The following GRK1 variants were observed in gnomAD, a reference collection of about 807,000 sequenced individuals.
GRK1 encodes the protein rhodopsin kinase GRK1.
In GRK1, 28 loss-of-function variants were observed where a neutral mutation model predicts 41.7. That is an observed-to-expected ratio of 0.67 (90% CI 0.50 to 0.92). The LOEUF (loss-of-function observed/expected upper bound fraction) is 0.92, where lower values mean the gene tolerates loss of function less well. Among genes scored for constraint, GRK1 ranks in the 40% least tolerant of loss-of-function variants. The pLI, the probability that GRK1 is intolerant of heterozygous loss-of-function variation, is 0.00. For missense variants in GRK1, 703 were observed against 671.2 expected, an observed-to-expected ratio of 1.05 and a Z score of -0.52; for synonymous variants, 327 against 286.7, an observed-to-expected ratio of 1.14 and a Z score of -1.42.
At chr13:113,733,715 A>ACGTGTGTGTGCGCG (rs1184148686) in intron 6 of GRK1, among the ~76,000 whole-genome samples, 2 of 96,960 alleles carry the variant, frequency 2.1e-5, no homozygotes, top group African/African-American at 1.0e-4. Context: ...GTGTGTGCGC[A>ACGTGTGTGTGCGCG]CGTGTGTGTG....
At position 113,731,080 on chromosome 13, in the gene GRK1, G is replaced by T; in HGVS notation, c.1070-139G>T. ...ACACACAGGGCAGCCCCTCCACAAA[G>T]GATTTTCTGGCCCCAAATGTGGAGA... On this transcript the variant is annotated intron_variant, in intron 4 of 6. Coordinates refer to ENST00000335678, the MANE Select transcript of GRK1 (RefSeq NM_002929.3). This position sits in a 1 kb window ranked among gnomAD's most constrained non-coding sequence, Gnocchi z 5.6. 3 of 1,279,608 alleles carry T rather than the reference G, an allele frequency of 2.3e-6. No individual in the cohort carries two copies. Among genetic ancestry groups the T allele is most frequent in the Non-Finnish European group, 3.2e-6 (3 of 951,680 alleles). The allele number at this position is 1,279,608 out of a possible 1,614,324, so 79.3% of individuals were successfully genotyped here.
At position 113,733,697 on chromosome 13, in the gene GRK1, ATG is replaced by A. The variant is rs1200894851; in HGVS notation, c.1396+617_1396+618del. Among the ~76,000 whole-genome samples the A allele has an allele frequency of 6.9e-5, 7 of 101,116 alleles. 1 individual carries two copies. Among genetic ancestry groups the A allele is most frequent in the South Asian group, 3.1e-4 (1 of 3,250 alleles). The allele number at this position is 101,116 out of a possible 152,430, so 66.3% of individuals were successfully genotyped here. A position where few individuals can be genotyped will look rare whatever the true frequency, so the allele number is the denominator to read the frequency against. The stretch of plus-strand genomic sequence containing the variant: ...CGTGTGTGCATGTATGTGTGCATAC[ATG>A]TGTGCGTGTGTGCGCACGTGTGTGT... On this transcript the variant is annotated intron_variant, in intron 6 of 6. Transcript: ENST00000335678.
At chr13:113,660,600 C>G in the GRK1 span, among the ~76,000 whole-genome samples, 1,391 of 152,368 alleles carry the variant, frequency 9.1e-3, 20 homozygotes, top group African/African-American at 0.032. Flanking sequence ...TGTTTTGGCT[C>G]ATGCCTGTTA....
the GRK1 span, among the ~76,000 whole-genome samples, chr13:113,653,676 G>A: frequency 6.6e-6 from 1 of 152,204 alleles, no homozygotes; most frequent in African/African-American, 2.4e-5. Flanking sequence ...GGGGGGTGGG[G>A]GGTGGCTGGC....
chr13:113,737,317 G>A lies in GRK1; in HGVS notation c.*1954G>A, dbSNP rs147642850. 0.011 allele frequency: 1,558 copies of A among 145,168 alleles called. 13 individuals are homozygous for A. Among genetic ancestry groups the A allele is most frequent in the Non-Finnish European group, 0.017 (1,100 of 65,688 alleles). 9.0% of individuals were successfully genotyped at this position (145,168 alleles called of 1,614,324 possible). On this transcript the variant is annotated 3_prime_UTR_variant, in exon 7 of 7. Transcript: ENST00000335678. Reference sequence around the variant, plus strand: ...CAGCCACACCCTGGGTGAGGAGCACGTCTTCCCATAGATCCCACATCGGCC... The same window carrying A: ...CAGCCACACCCTGGGTGAGGAGCACATCTTCCCATAGATCCCACATCGGCC...
upstream of GRK1, among the ~76,000 whole-genome samples, chr13:113,664,563 G>A (rs2049806474): frequency 1.3e-5 from 2 of 152,190 alleles, no homozygotes; most frequent in Non-Finnish European, 2.9e-5. The surrounding 1 kb of genome is among the most constrained non-coding windows in gnomAD (Gnocchi z 5.4). Context: ...AACTTTGCTT[G>A]TTTAACATAT....
At chr13:113,661,778 G>A in the GRK1 span, among the ~76,000 whole-genome samples, 1 of 152,062 alleles carries the variant, frequency 6.6e-6, no homozygotes, top group Non-Finnish European at 1.5e-5. Context: ...CAACTCACCC[G>A]ACTTCAAATA....
intron 5 of GRK1, among the ~76,000 whole-genome samples, chr13:113,732,650 G>T (rs2049945429): frequency 6.6e-6 from 1 of 152,220 alleles, no homozygotes; most frequent in South Asian, 2.1e-4. Context: ...GGGTGGGTCA[G>T]CCAGAGTCCC....
intron 3 of GRK1, among the ~76,000 whole-genome samples, chr13:113,672,230 GGTGT>G (rs1252672624): frequency 1.3e-5 from 2 of 151,506 alleles, no homozygotes; most frequent in African/African-American, 4.8e-5. Flanking sequence ...TGTGGCATAT[GGTGT>G]GTATGTGTGT....
chr13:113,665,367 A>G (rs1408790731), upstream of GRK1, among the ~76,000 whole-genome samples: 64 of 149,108 alleles, frequency 4.3e-4, no homozygotes, highest in African/African-American at 1.5e-3. Flanking sequence ...TGTCCGAGGT[A>G]TGCCCCAGCT....
upstream of GRK1, among the ~76,000 whole-genome samples, chr13:113,665,350 G>A (rs944228905): frequency 6.7e-6 from 1 of 148,898 alleles, no homozygotes; most frequent in Admixed American, 6.6e-5. Context: ...CAGGTGTGTT[G>A]CAGGTGTGTC....
intron 6 of GRK1, 107 bp downstream of exon 6, chr13:113,733,192 G>T: frequency 8.9e-7 from 1 of 1,126,056 alleles, no homozygotes. Context: ...GAGTGCCTCA[G>T]ACCCCCAAGG....
chr13:113,736,762 T>C lies in GRK1; in HGVS notation c.*1399T>C, dbSNP rs1268897280. 2 of 152,274 alleles carry C rather than the reference T, an allele frequency of 1.3e-5. No homozygotes were observed. Among genetic ancestry groups the C allele is most frequent in the Non-Finnish European group, 2.9e-5 (2 of 68,044 alleles). The allele number at this position is 152,274 out of a possible 1,614,324, so 9.4% of individuals were successfully genotyped here. ...AGAAGCCTGACCCTGCCACATGTGG[T>C]CACGGGGAGAGAAGATGGTAGGACG... On this transcript the variant is annotated 3_prime_UTR_variant, in exon 7 of 7. Transcript: ENST00000335678.
chr13:113,729,993 T>A (rs2049923144), intron 4 of GRK1, among the ~76,000 whole-genome samples: 1 of 138,800 alleles, frequency 7.2e-6, no homozygotes, highest in Admixed American at 7.4e-5. Flanking sequence ...TCCCCACGGC[T>A]GAGCCCAGAC....
Position 113,731,348 on chromosome 13 carries a change from G to T in GRK1, c.1194+5G>T. ...TTCCGAGCCCGTGGAGAGAAGGTAGGAGGCGGCCGGCAGGTGTCTCTGCAG... is the reference window on the plus strand; with the variant it reads ...TTCCGAGCCCGTGGAGAGAAGGTAGTAGGCGGCCGGCAGGTGTCTCTGCAG... On this transcript the variant is annotated splice_donor_5th_base_variant and intron_variant, in intron 5 of 6. Coordinates refer to ENST00000335678, the MANE Select transcript of GRK1 (RefSeq NM_002929.3). This position sits in a 1 kb window ranked among gnomAD's most constrained non-coding sequence, Gnocchi z 5.6. 1 of 1,536,772 alleles carries T rather than the reference G, an allele frequency of 6.5e-7. No individual in the cohort carries two copies.
Position 113,671,851 on chromosome 13 carries a change from G to A in GRK1, c.985+195G>A, listed in dbSNP as rs1047829726. On this transcript the variant is annotated intron_variant, in intron 3 of 6. Coordinates refer to ENST00000335678, the MANE Select transcript of GRK1 (RefSeq NM_002929.3). The surrounding 1 kb of genome is among the most constrained non-coding windows in gnomAD (Gnocchi z 4.1). Reference sequence around the variant, plus strand: ...CACAGGAGTGAGTGCAGGGGTCTGTGGTGCAGAACCAGCTGGGAACGGCGA... The same window carrying A: ...CACAGGAGTGAGTGCAGGGGTCTGTAGTGCAGAACCAGCTGGGAACGGCGA... Among the ~76,000 whole-genome samples, 17 of 152,214 alleles carry A rather than the reference G, an allele frequency of 1.1e-4. No individual in the cohort carries two copies. The East Asian group carries it at 2.3e-3, about 21-fold the overall frequency.
chr13:113,667,968 G>T lies in GRK1; in HGVS notation c.582G>T (p.Arg194Ser). 1.2e-6 allele frequency: 2 copies of T among 1,610,830 alleles called. No homozygotes were observed. Among genetic ancestry groups the T allele is most frequent in the Non-Finnish European group, 8.5e-7 (1 of 1,178,698 alleles). ...GGGAGGACTGGTTCCTGGACTTCAG[G>T]GTCCTAGGGAAAGGGGGCTTCGGGG... ...PMGEDWFLDFRVLGKGGFGEV... is the reference protein window; with the variant it reads ...PMGEDWFLDFSVLGKGGFGEV... The change falls in exon 1 of 7, where the codon AGG becomes AGT. Residue 194 changes from arginine to serine, a missense_variant. By Grantham distance (110) the Arg-to-Ser change is moderately radical. Transcript: ENST00000335678. The surrounding 1 kb of genome is among the most constrained non-coding windows in gnomAD (Gnocchi z 7.5).
chr13:113,656,515 C>T, the GRK1 span, among the ~76,000 whole-genome samples: 6 of 152,156 alleles, frequency 3.9e-5, no homozygotes, highest in African/African-American at 7.2e-5. Flanking sequence ...CCTGGGCCCC[C>T]GCTTGCACCA....
chr13:113,650,507 C>A, the GRK1 span: 2 of 1,610,006 alleles, frequency 1.2e-6, no homozygotes, highest in South Asian at 2.2e-5. The surrounding 1 kb of genome is among the most constrained non-coding windows in gnomAD (Gnocchi z 5.0). Flanking sequence ...CGGGGCTGGT[C>A]CTGGGGAGGA....
Sources: allele counts gnomAD v4.1 joint callset (sites outside exome capture counted in the v4.1 genomes callset), GRCh38; gene constraint gnomAD v4.1.1; non-coding constraint Gnocchi (gnomAD v3.1); transcripts MANE v1.5; gene names NCBI Gene and HGNC (gene_info 2026-07-23, HGNC 2026-07-21).